The following HS3ST3B1 variants were observed in gnomAD, a reference collection of about 807,000 sequenced individuals.
HS3ST3B1 encodes the protein heparan sulfate-glucosamine 3-sulfotransferase 3B1, also known as heparan sulfate glucosamine 3-O-sulfotransferase 3B1.
In HS3ST3B1, 13 loss-of-function variants were observed where a neutral mutation model predicts 21.3. That is an observed-to-expected ratio of 0.61 (90% CI 0.40 to 0.97). The LOEUF is 0.97. HS3ST3B1 is among the 50% of genes least tolerant of loss of function. The probability of loss-of-function intolerance (pLI) is 0.00; values close to 1 mark genes in which losing one functional copy is unlikely to be tolerated. For synonymous variants in HS3ST3B1, 234 were observed against 254.8 expected, an observed-to-expected ratio of 0.92 and a Z score of 0.78; for missense variants, 459 against 554.8, an observed-to-expected ratio of 0.83 and a Z score of 1.73.
At chr17:14,343,155 T>C (rs981548383) in intron 1 of HS3ST3B1, among the ~76,000 whole-genome samples, 1 of 151,848 alleles carries the variant, frequency 6.6e-6, no homozygotes, top group Non-Finnish European at 1.5e-5. Flanking sequence ...GGCAGGAGAA[T>C]TGCTTGAACC....
chr17:14,302,897 C>G (rs1908990345), intron 1 of HS3ST3B1, among the ~76,000 whole-genome samples: 1 of 152,214 alleles, frequency 6.6e-6, no homozygotes, highest in Admixed American at 6.5e-5. Context: ...ACGTCCGGAG[C>G]AAAGAATATT....
chr17:14,329,432 A>C (rs966760280), intron 1 of HS3ST3B1: 11 of 150,096 alleles, frequency 7.3e-5, no homozygotes, highest in Non-Finnish European at 1.5e-4. Context: ...AGAGGAAGGA[A>C]GGAAGGAAAG....
chr17:14,329,380 A>AG (rs988449912), intron 1 of HS3ST3B1: 1 of 146,814 alleles, frequency 6.8e-6, no homozygotes, highest in African/African-American at 2.5e-5. Flanking sequence ...GGAAGGAAGG[A>AG]AGGAAGGAAG....
intron 1 of HS3ST3B1, among the ~76,000 whole-genome samples, chr17:14,318,762 G>C (rs779668856): frequency 4.6e-5 from 7 of 152,164 alleles, no homozygotes; most frequent in Non-Finnish European, 7.4e-5. Context: ...TCCTCCAAGG[G>C]AATGTTCAGT....
intron 1 of HS3ST3B1, among the ~76,000 whole-genome samples, chr17:14,313,145 T>TACACA (rs1349125456): frequency 1.3e-5 from 2 of 150,554 alleles, no homozygotes; most frequent in Non-Finnish European, 3.0e-5. Flanking sequence ...TATATATATA[T>TACACA]TTTTAGTAGA....
chr17:14,316,159 C>T (rs760400722), intron 1 of HS3ST3B1, among the ~76,000 whole-genome samples: 1 of 152,142 alleles, frequency 6.6e-6, no homozygotes, highest in African/African-American at 2.4e-5. Context: ...GCAGGCTTCC[C>T]GTTCCTATAG....
intron 1 of HS3ST3B1, 108 bp downstream of exon 1, chr17:14,302,180 C>A (rs1426883666): frequency 1.5e-6 from 2 of 1,316,858 alleles, no homozygotes; most frequent in Non-Finnish European, 2.0e-6. Flanking sequence ...TCGGACCACC[C>A]GGGGTAGGGC....
intron 1 of HS3ST3B1, among the ~76,000 whole-genome samples, chr17:14,314,470 G>T (rs190288709): frequency 3.3e-5 from 5 of 152,092 alleles, no homozygotes; most frequent in Non-Finnish European, 2.9e-5. Flanking sequence ...TCCCCATCCC[G>T]AGGACAACCA....
chr17:14,327,137 C>T (rs556279929), intron 1 of HS3ST3B1, among the ~76,000 whole-genome samples: 34 of 152,252 alleles, frequency 2.2e-4, no homozygotes, highest in African/African-American at 7.7e-4. Flanking sequence ...TCACTGACTC[C>T]TTCATCATTA....
At chr17:14,324,193 T>C (rs1257004903) in intron 1 of HS3ST3B1, among the ~76,000 whole-genome samples, 1 of 152,214 alleles carries the variant, frequency 6.6e-6, no homozygotes, top group East Asian at 1.9e-4. Context: ...AATCTTCATT[T>C]GTTTATAACA....
chr17:14,311,237 TA>T (rs5819469), intron 1 of HS3ST3B1, among the ~76,000 whole-genome samples: 67,179 of 130,712 alleles, frequency 0.51, 17,848 homozygotes, highest in Admixed American at 0.61. Context: ...CCTGGCTAAT[TA>T]AAAAAAAAAA....
At chr17:14,323,322 TG>T (rs1909714911) in intron 1 of HS3ST3B1, among the ~76,000 whole-genome samples, 1 of 152,208 alleles carries the variant, frequency 6.6e-6, no homozygotes, top group African/African-American at 2.4e-5. Flanking sequence ...CTGGGGAATT[TG>T]CATACCTTTT....
intron 1 of HS3ST3B1, among the ~76,000 whole-genome samples, chr17:14,323,252 C>A (rs1909713321): frequency 6.6e-6 from 1 of 152,160 alleles, no homozygotes; most frequent in African/African-American, 2.4e-5. Context: ...GGGTCCATCC[C>A]TTTACTCGGA....
intron 1 of HS3ST3B1, among the ~76,000 whole-genome samples, chr17:14,309,118 G>C (rs937240482): frequency 7.2e-5 from 11 of 152,234 alleles, no homozygotes; most frequent in Admixed American, 5.9e-4. Context: ...CGGGAGCTAG[G>C]GGGGCGTTGG....
intron 1 of HS3ST3B1, among the ~76,000 whole-genome samples, chr17:14,339,586 A>G (rs1910306223): frequency 1.3e-5 from 2 of 152,202 alleles, no homozygotes; most frequent in Non-Finnish European, 1.5e-5. Context: ...TCTCTCCTTT[A>G]GACTCAGTGT....
At chr17:14,306,805 C>A (rs1385971939) in intron 1 of HS3ST3B1, among the ~76,000 whole-genome samples, 1 of 149,334 alleles carries the variant, frequency 6.7e-6, no homozygotes, top group African/African-American at 2.5e-5. Flanking sequence ...GTATGTAACT[C>A]ACTTCCAAGA....
At chr17:14,319,936 C>T (rs1210995126) in intron 1 of HS3ST3B1, among the ~76,000 whole-genome samples, 2 of 152,058 alleles carry the variant, frequency 1.3e-5, no homozygotes, top group Non-Finnish European at 2.9e-5. Context: ...ACCCTCCCCC[C>T]GAGTCCCCAA....
rs1169939091 is a variant in HS3ST3B1 at position 14,303,806 on chromosome 17, G to A, written c.554+1734G>A. ...GGCCAGGCGGCAGGCTATAACTAGC[G>A]CCCTTCCAGGTGGAACCCGCCAGAG... On this transcript the variant is annotated intron_variant, in intron 1 of 1. Coordinates refer to ENST00000360954, the MANE Select transcript of HS3ST3B1 (RefSeq NM_006041.3). The surrounding 1 kb of genome is among the most constrained non-coding windows in gnomAD (Gnocchi z 5.7). 1 of 152,290 alleles carries A rather than the reference G, an allele frequency of 6.6e-6. No homozygotes were observed. Among genetic ancestry groups the A allele is most frequent in the East Asian group, 1.9e-4 (1 of 5,182 alleles). 9.4% of individuals were successfully genotyped at this position (152,290 alleles called of 1,614,324 possible). A position where few individuals can be genotyped will look rare whatever the true frequency, so the allele number is the denominator to read the frequency against.
At chr17:14,316,012 T>C (rs1028750311) in intron 1 of HS3ST3B1, among the ~76,000 whole-genome samples, 25 of 152,284 alleles carry the variant, frequency 1.6e-4, no homozygotes, top group African/African-American at 6.0e-4. Flanking sequence ...CCTTCCAGCA[T>C]CCTGAGGCAT....
Sources: allele counts gnomAD v4.1 joint callset (sites outside exome capture counted in the v4.1 genomes callset), GRCh38; gene constraint gnomAD v4.1.1; non-coding constraint Gnocchi (gnomAD v3.1); transcripts MANE v1.5; gene names NCBI Gene and HGNC (gene_info 2026-07-23, HGNC 2026-07-21).